XRCC4: variants seen among roughly 807,000 people sequenced by gnomAD.
XRCC4 encodes the protein X-ray repair cross complementing 4.
Under a neutral mutation model 39.1 loss-of-function variants are expected in XRCC4, and 28 were observed. That is an observed-to-expected ratio of 0.72 (90% CI 0.53 to 0.98). XRCC4 has a LOEUF of 0.98. Among genes scored for constraint, XRCC4 ranks in the 50% least tolerant of loss-of-function variants. The pLI is 0.00. For missense variants in XRCC4, 350 were observed against 376.4 expected, an observed-to-expected ratio of 0.93 and a Z score of 0.58; for synonymous variants, 123 against 126.4, an observed-to-expected ratio of 0.97 and a Z score of 0.18.
chr5:83,084,741 G>A (rs1745104746), intron 1 of XRCC4, among the ~76,000 whole-genome samples: 3 of 152,026 alleles, frequency 2.0e-5, no homozygotes, highest in Non-Finnish European at 2.9e-5. Context: ...AACTAATTTT[G>A]CGTTTAAAAT....
chr5:83,225,605 GAA>G (rs869143323), intron 6 of XRCC4, among the ~76,000 whole-genome samples: 1,858 of 60,366 alleles, frequency 0.031, 25 homozygotes, highest in East Asian at 0.13. Context: ...ATTTATTCCA[GAA>G]AAAAAAAAAA....
At chr5:83,198,475 T>C (rs1751041868) in intron 4 of XRCC4, among the ~76,000 whole-genome samples, 1 of 152,138 alleles carries the variant, frequency 6.6e-6, no homozygotes, top group African/African-American at 2.4e-5. Flanking sequence ...ACCACAAATA[T>C]AAACAATATC....
intron 7 of XRCC4, among the ~76,000 whole-genome samples, chr5:83,282,101 G>T (rs1411752680): frequency 6.6e-6 from 1 of 152,202 alleles, no homozygotes; most frequent in Non-Finnish European, 1.5e-5. Flanking sequence ...AATAGATTCT[G>T]ATTCAAATGC....
chr5:83,151,506 G>A (rs1748701760), intron 3 of XRCC4, among the ~76,000 whole-genome samples: 1 of 152,024 alleles, frequency 6.6e-6, no homozygotes, highest in Admixed American at 6.6e-5. Context: ...TTTTTTATCA[G>A]GCCTTAAAAG....
intron 7 of XRCC4, among the ~76,000 whole-genome samples, chr5:83,314,014 C>T (rs1230514037): frequency 6.6e-6 from 1 of 152,000 alleles, no homozygotes; most frequent in Non-Finnish European, 1.5e-5. Context: ...ACAATCTTTA[C>T]ATCTTATTCT....
At chr5:83,203,486 A>G in intron 4 of XRCC4, 66 bp from the exon 5 acceptor site, 1 of 1,311,202 alleles carries the variant, frequency 7.6e-7, no homozygotes, top group Non-Finnish European at 1.0e-6. Flanking sequence ...CTTGATTATT[A>G]GGCTGAATTA....
chr5:83,083,536 C>T (rs1745051968), intron 1 of XRCC4, among the ~76,000 whole-genome samples: 1 of 151,864 alleles, frequency 6.6e-6, no homozygotes, highest in Non-Finnish European at 1.5e-5. Flanking sequence ...GCCACCATGC[C>T]CAGCAAATTT....
intron 2 of XRCC4, among the ~76,000 whole-genome samples, chr5:83,108,720 A>G (rs1451858464): frequency 1.3e-5 from 2 of 151,872 alleles, no homozygotes. Context: ...GCATCTACAA[A>G]TTTATTTCCT....
chr5:83,287,231 A>T (rs1271193596), intron 7 of XRCC4, among the ~76,000 whole-genome samples: 1 of 152,124 alleles, frequency 6.6e-6, no homozygotes, highest in Non-Finnish European at 1.5e-5. Flanking sequence ...TAGGCTTGGC[A>T]TTCTGCCCAT....
intron 7 of XRCC4, among the ~76,000 whole-genome samples, chr5:83,300,799 A>G (rs1250818401): frequency 6.6e-6 from 1 of 150,652 alleles, no homozygotes; most frequent in Non-Finnish European, 1.5e-5. Context: ...CTCATTGTTC[A>G]ACTTCCACTT....
chr5:83,321,585 A>G (rs921160102), intron 7 of XRCC4, among the ~76,000 whole-genome samples: 15 of 152,144 alleles, frequency 9.9e-5, no homozygotes, highest in African/African-American at 3.4e-4. Flanking sequence ...TATTTTTCAA[A>G]TTATTGTTAA....
intron 7 of XRCC4, among the ~76,000 whole-genome samples, chr5:83,282,362 T>A (rs989149629): frequency 5.3e-5 from 8 of 152,132 alleles, no homozygotes; most frequent in Non-Finnish European, 4.4e-5. Context: ...AGAAAATTGG[T>A]TAAGTCATTA....
intron 6 of XRCC4, among the ~76,000 whole-genome samples, chr5:83,245,992 T>C (rs1211499030): frequency 6.6e-6 from 1 of 152,100 alleles, no homozygotes; most frequent in Non-Finnish European, 1.5e-5. Context: ...GATTAAAATC[T>C]CTCAAATTAT....
At chr5:83,254,606 C>T (rs72769328) in intron 6 of XRCC4, among the ~76,000 whole-genome samples, 2,066 of 152,154 alleles carry the variant, frequency 0.014, 16 homozygotes, top group Middle Eastern at 0.055. Context: ...TATCTGTGAC[C>T]TCCTATTGAT....
At chr5:83,355,434 T>C (rs189333576), downstream of XRCC4, among the ~76,000 whole-genome samples, 194 of 152,308 alleles carry the variant, frequency 1.3e-3, no homozygotes, top group Non-Finnish European at 2.4e-3. Context: ...CATAGAAGCT[T>C]AATTAGTGTT....
intron 7 of XRCC4, among the ~76,000 whole-genome samples, chr5:83,348,658 G>A (rs1011982018): frequency 6.6e-6 from 1 of 152,204 alleles, no homozygotes; most frequent in African/African-American, 2.4e-5. Context: ...ATGCCTTGGA[G>A]GCACTGTCTT....
rs1753630646 is a variant in XRCC4 at position 83,258,447 on chromosome 5, G to A, written c.746-83G>A. The A allele has an allele frequency of 2.7e-6, 4 of 1,490,768 alleles. No individual in the cohort carries two copies. The Admixed American group carries it at 8.8e-5, about 33-fold the overall frequency. The allele number at this position is 1,490,768 out of a possible 1,614,324, so 92.3% of individuals were successfully genotyped here. A position where few individuals can be genotyped will look rare whatever the true frequency, so the allele number is the denominator to read the frequency against. ...TGCTATATTTTAATTGTCACCTTATGTCAATGCTAAAACAGCAAGTTAATA... is the reference window on the plus strand; with the variant it reads ...TGCTATATTTTAATTGTCACCTTATATCAATGCTAAAACAGCAAGTTAATA... On this transcript the variant is annotated intron_variant, in intron 6 of 7. Transcript: ENST00000396027.
At chr5:83,150,310 G>A (rs775541747) in intron 3 of XRCC4, among the ~76,000 whole-genome samples, 2 of 152,106 alleles carry the variant, frequency 1.3e-5, no homozygotes, top group African/African-American at 2.4e-5. Flanking sequence ...GCACACATTC[G>A]TAGCAGTGTC....
chr5:83,118,299 CTTTT>C (rs1333352463), intron 3 of XRCC4, among the ~76,000 whole-genome samples: 1 of 143,904 alleles, frequency 6.9e-6, no homozygotes, highest in African/African-American at 2.5e-5. Context: ...GTTCCCTTGG[CTTTT>C]TTTTTTTTCT....
Sources: allele counts gnomAD v4.1 joint callset (sites outside exome capture counted in the v4.1 genomes callset), GRCh38; gene constraint gnomAD v4.1.1; transcripts MANE v1.5; gene names NCBI Gene and HGNC (gene_info 2026-07-23, HGNC 2026-07-21).